The following ADGRB3 variants were observed in gnomAD, a reference collection of about 807,000 sequenced individuals.
The protein encoded by ADGRB3 is brain-specific angiogenesis inhibitor 3.
ADGRB3 carries 37 observed loss-of-function variants against 193.4 expected under a neutral mutation model. The observed-to-expected ratio is 0.19, with a 90% confidence interval of 0.15 to 0.25. ADGRB3 has a LOEUF of 0.25. Ranked by LOEUF, ADGRB3 falls within the 10% of genes least tolerant of loss-of-function variation. The pLI is 1.00. For synonymous variants in ADGRB3, 690 were observed against 644.2 expected, an observed-to-expected ratio of 1.07 and a Z score of -1.08; for missense variants, 1,637 against 1,852.9, an observed-to-expected ratio of 0.88 and a Z score of 2.14.
chr6:68,883,484 G>A (rs1031277467), intron 3 of ADGRB3, among the ~76,000 whole-genome samples: 18 of 152,264 alleles, frequency 1.2e-4, no homozygotes, highest in Middle Eastern at 6.8e-3. Flanking sequence ...GTTGCTTCTC[G>A]CTCATTGGGT....
intron 1 of ADGRB3, among the ~76,000 whole-genome samples, chr6:68,636,566 G>A (rs1325060330): frequency 6.7e-6 from 1 of 149,310 alleles, no homozygotes; most frequent in East Asian, 2.0e-4. Context: ...AACGGGCCCT[G>A]CAGTCCAAAG....
chr6:69,368,064 G>A (rs944039677), intron 29 of ADGRB3, among the ~76,000 whole-genome samples: 3 of 151,620 alleles, frequency 2.0e-5, no homozygotes, highest in African/African-American at 7.3e-5. Flanking sequence ...GTTAATGGGT[G>A]CAGCGCACCA....
intron 12 of ADGRB3, among the ~76,000 whole-genome samples, chr6:69,014,349 T>C (rs1358302709): frequency 3.3e-5 from 5 of 151,950 alleles, no homozygotes; most frequent in Non-Finnish European, 5.9e-5. Context: ...TAATGTGTAA[T>C]AATTATATAC....
intron 3 of ADGRB3, among the ~76,000 whole-genome samples, chr6:68,722,619 A>G (rs1482295738): frequency 6.7e-6 from 1 of 149,738 alleles, no homozygotes; most frequent in Non-Finnish European, 1.5e-5. Context: ...TTTTTTTTTA[A>G]CTGAATCTAT....
At chr6:69,216,237 T>C (rs1284984051) in intron 17 of ADGRB3, among the ~76,000 whole-genome samples, 2 of 152,176 alleles carry the variant, frequency 1.3e-5, no homozygotes, top group Non-Finnish European at 2.9e-5. Flanking sequence ...AAGACCCTAA[T>C]AGGTCTAAAC....
intron 3 of ADGRB3, among the ~76,000 whole-genome samples, chr6:68,704,734 C>T (rs1765296562): frequency 6.6e-6 from 1 of 152,188 alleles, no homozygotes; most frequent in African/African-American, 2.4e-5. Context: ...GAAAACCTTG[C>T]TTTGTGGCAA....
chr6:68,712,637 A>C (rs2127317414), intron 3 of ADGRB3, among the ~76,000 whole-genome samples: 1 of 152,122 alleles, frequency 6.6e-6, no homozygotes, highest in South Asian at 2.1e-4. Context: ...AGAGAGACAA[A>C]GAAAAACAGA....
At chr6:69,233,264 T>C in intron 17 of ADGRB3, 26 bp from the exon 18 acceptor site, 4 of 1,610,164 alleles carry the variant, frequency 2.5e-6, no homozygotes, top group Non-Finnish European at 3.4e-6. Flanking sequence ...TATCCCGATT[T>C]CCTCCCCCCT....
At chr6:68,748,311 T>C (rs978462601) in intron 3 of ADGRB3, among the ~76,000 whole-genome samples, 2 of 152,222 alleles carry the variant, frequency 1.3e-5, no homozygotes, top group Non-Finnish European at 2.9e-5. Context: ...GGCAAGTCCC[T>C]TCTGCCTATG....
chr6:69,028,539 A>G (rs1770508410), intron 13 of ADGRB3, among the ~76,000 whole-genome samples: 1 of 152,170 alleles, frequency 6.6e-6, no homozygotes, highest in Non-Finnish European at 1.5e-5. Context: ...TCAATTTATT[A>G]GTAGGGCTGC....
chr6:69,227,152 T>G (rs1197333923), intron 17 of ADGRB3, among the ~76,000 whole-genome samples: 2 of 152,114 alleles, frequency 1.3e-5, no homozygotes, highest in African/African-American at 4.8e-5. Context: ...AAACAGGTAA[T>G]GTGAATATTT....
chr6:69,317,173 T>A (rs1281496572), intron 20 of ADGRB3, among the ~76,000 whole-genome samples: 2 of 151,488 alleles, frequency 1.3e-5, no homozygotes, highest in Admixed American at 6.6e-5. Context: ...TTTGTAAAAA[T>A]TTATCACTCT....
chr6:68,842,480 TC>T (rs1768177549), intron 3 of ADGRB3, among the ~76,000 whole-genome samples: 2 of 151,668 alleles, frequency 1.3e-5, no homozygotes, highest in Non-Finnish European at 2.9e-5. Context: ...TATGAAGAAA[TC>T]CAAAACCTGA....
At chr6:68,795,100 T>G (rs1381685424) in intron 3 of ADGRB3, among the ~76,000 whole-genome samples, 1 of 152,078 alleles carries the variant, frequency 6.6e-6, no homozygotes, top group Admixed American at 6.6e-5. Flanking sequence ...AAACTTACAT[T>G]AAAGTGAAAG....
intron 3 of ADGRB3, among the ~76,000 whole-genome samples, chr6:68,693,013 C>T (rs1246598592): frequency 1.3e-5 from 2 of 151,296 alleles, no homozygotes; most frequent in African/African-American, 2.4e-5. Context: ...AAATTTAAAA[C>T]TAACCAATGA....
chr6:69,066,018 G>T (rs1467275979), intron 16 of ADGRB3, among the ~76,000 whole-genome samples: 1 of 148,058 alleles, frequency 6.8e-6, no homozygotes, highest in Non-Finnish European at 1.5e-5. Context: ...AACAGAATGT[G>T]CATAGGTTAT....
intron 3 of ADGRB3, among the ~76,000 whole-genome samples, chr6:68,871,665 T>A (rs935865107): frequency 6.6e-6 from 1 of 152,190 alleles, no homozygotes; most frequent in African/African-American, 2.4e-5. Flanking sequence ...TCTAAAAACA[T>A]TCTTCCATTT....
At chr6:68,644,351 T>C (rs2127277244) in intron 3 of ADGRB3, among the ~76,000 whole-genome samples, 1 of 152,334 alleles carries the variant, frequency 6.6e-6, no homozygotes, top group African/African-American at 2.4e-5. Flanking sequence ...ATTATTTATA[T>C]GTTTATTTTA....
intron 22 of ADGRB3, among the ~76,000 whole-genome samples, chr6:69,328,262 G>A (rs1480059913): frequency 2.6e-5 from 4 of 152,056 alleles, no homozygotes. Context: ...AATGTGTATT[G>A]TTATTAACCA....
Sources: gnomAD v4.1 joint callset for allele counts (sites outside exome capture counted in the v4.1 genomes callset) on GRCh38, gnomAD v4.1.1 for gene constraint, MANE v1.5 for transcripts, NCBI Gene and HGNC (gene_info 2026-07-23, HGNC 2026-07-21) for gene names.